The following PCDHA4 variants were observed in gnomAD, a reference collection of about 807,000 sequenced individuals.
PCDHA4 encodes protocadherin alpha 4.
PCDHA4 carries 49 observed loss-of-function variants against 61.4 expected under a neutral mutation model. That is an observed-to-expected ratio of 0.80 (90% confidence interval 0.63 to 1.01). The LOEUF (loss-of-function observed/expected upper bound fraction) is 1.01, where lower values mean the gene tolerates loss of function less well. Ranked by LOEUF, PCDHA4 falls within the 50% of genes least tolerant of loss-of-function variation. PCDHA4 has a pLI of 0.00. For synonymous variants in PCDHA4, 590 were observed against 550.3 expected (o/e 1.07, Z -1.01); for missense variants, 1,254 against 1,235.8 (o/e 1.01, Z -0.22).
chr5:140,854,575 AT>A (rs1416298079), intron 1 of PCDHA4: 1 of 149,968 alleles, frequency 6.7e-6, no homozygotes, highest in Non-Finnish European at 1.5e-5. Context: ...TGTCATTCAG[AT>A]TTTAATAAAA....
chr5:140,824,218 A>T, intron 1 of PCDHA4: 1 of 1,564,370 alleles, frequency 6.4e-7, no homozygotes. Flanking sequence ...TTTAAAAATT[A>T]TGTCTTAGTA....
At chr5:140,956,554 G>C (rs546505112) in intron 1 of PCDHA4, among the ~76,000 whole-genome samples, 1 of 152,318 alleles carries the variant, frequency 6.6e-6, no homozygotes, top group East Asian at 1.9e-4. Flanking sequence ...TGGTTTGCCA[G>C]TATCTTATTG....
intron 1 of PCDHA4, chr5:140,836,166 C>A (rs373780071): frequency 1.9e-6 from 3 of 1,613,826 alleles, no homozygotes; most frequent in South Asian, 1.1e-5. Flanking sequence ...GGCGAAGGTA[C>A]GTGCAGTTGA....
At chr5:141,009,538 C>T (rs1159631714) in intron 3 of PCDHA4, 89 bp from the exon 4 acceptor site, 11 of 1,522,362 alleles carry the variant, frequency 7.2e-6, no homozygotes, top group African/African-American at 1.4e-5. Context: ...GTTCAGCCTG[C>T]CTATGCAGTA....
chr5:140,860,083 G>T (rs781794157), intron 1 of PCDHA4: 12 of 151,782 alleles, frequency 7.9e-5, no homozygotes, highest in Non-Finnish European at 1.5e-4. Context: ...GAGGCCAGGA[G>T]TTCAAGACCA....
At chr5:140,991,356 T>C (rs574243681) in intron 3 of PCDHA4, among the ~76,000 whole-genome samples, 2 of 152,366 alleles carry the variant, frequency 1.3e-5, no homozygotes, top group Non-Finnish European at 2.9e-5. Flanking sequence ...AAAAGACTAT[T>C]TACTGTCTGA....
chr5:140,847,454 A>C (rs1187460467), intron 1 of PCDHA4: 1 of 149,898 alleles, frequency 6.7e-6, no homozygotes, highest in Non-Finnish European at 1.5e-5. Flanking sequence ...ATCTAGATTT[A>C]ATTAATCGAC....
chr5:140,845,064 A>G (rs1225142446), intron 1 of PCDHA4, among the ~76,000 whole-genome samples: 1 of 149,468 alleles, frequency 6.7e-6, no homozygotes, highest in Non-Finnish European at 1.5e-5. Flanking sequence ...GGTAACCTCA[A>G]AGCAGCATTG....
At position 140,829,995 on chromosome 5, in the gene PCDHA4, G is replaced by C. The variant is rs1297305883; in HGVS notation, c.2385+20423G>C. On this transcript the variant is annotated intron_variant, in intron 1 of 3. Transcript: ENST00000530339. ...TACACGGGCGAGATCAGCACCACTCGTGTCCTGGACGAAGCGGACTCTCCG... is the reference window on the plus strand; with the variant it reads ...TACACGGGCGAGATCAGCACCACTCCTGTCCTGGACGAAGCGGACTCTCCG... 2 of 1,613,982 alleles carry C rather than the reference G, an allele frequency of 1.2e-6. No homozygotes were observed. The highest frequency in any genetic ancestry group is 3.3e-5 in the Admixed American group (2 of 60,034).
At chr5:140,877,599 C>A in intron 1 of PCDHA4, 1 of 1,613,882 alleles carries the variant, frequency 6.2e-7, no homozygotes, top group South Asian at 1.1e-5. Flanking sequence ...CGGTGTCCAG[C>A]CTGCTGGTGC....
At chr5:140,870,773 A>C (rs1554164699) in intron 1 of PCDHA4, 1 of 1,613,598 alleles carries the variant, frequency 6.2e-7, no homozygotes, top group Admixed American at 1.7e-5. Context: ...GTGCTGGACG[A>C]GAACGACAAC....
intron 3 of PCDHA4, among the ~76,000 whole-genome samples, chr5:140,982,794 CAT>C (rs1491349118): frequency 4.0e-5 from 6 of 150,946 alleles, no homozygotes; most frequent in Admixed American, 1.3e-4. Context: ...CGCATGTGTG[CAT>C]GTGTGTGTGT....
intron 1 of PCDHA4, among the ~76,000 whole-genome samples, chr5:140,872,045 C>G (rs1286579116): frequency 6.6e-6 from 1 of 152,208 alleles, no homozygotes; most frequent in East Asian, 1.9e-4. Flanking sequence ...AAGAATTCTC[C>G]CACTTCAGCC....
At chr5:140,870,461 C>G in intron 1 of PCDHA4, 2 of 1,614,246 alleles carry the variant, frequency 1.2e-6, no homozygotes, top group Admixed American at 3.3e-5. Context: ...AATGCGCCTG[C>G]GTTCGCACAG....
At chr5:140,858,580 A>C in intron 1 of PCDHA4, 1 of 1,352,736 alleles carries the variant, frequency 7.4e-7, no homozygotes, top group Non-Finnish European at 1.0e-6. Flanking sequence ...CCTTTGTAAT[A>C]TAATTTATTC....
At chr5:140,930,616 G>T (rs2086997332) in intron 1 of PCDHA4, among the ~76,000 whole-genome samples, 2 of 152,154 alleles carry the variant, frequency 1.3e-5, no homozygotes, top group African/African-American at 4.8e-5. Context: ...TGCAAGAGAA[G>T]GAGGTGTGTA....
chr5:140,924,057 T>C (rs1337031156), intron 1 of PCDHA4, among the ~76,000 whole-genome samples: 2 of 152,258 alleles, frequency 1.3e-5, no homozygotes, highest in Non-Finnish European at 2.9e-5. Context: ...GGTACATCTT[T>C]ACAGTTGTAT....
chr5:140,848,591 C>A lies in PCDHA4; in HGVS notation c.2385+39019C>A. 1.9e-6 allele frequency: 3 copies of A among 1,594,690 alleles called. 1 individual carries two copies. Among genetic ancestry groups the A allele is most frequent in the Non-Finnish European group, 2.6e-6 (3 of 1,164,772 alleles). On this transcript the variant is annotated intron_variant, in intron 1 of 3. Coordinates refer to ENST00000530339, the MANE Select transcript of PCDHA4 (RefSeq NM_018907.4). ...GGGTGGTGGGGAGCGGCCAGCTCCACTACTCCGTCCCGGAGGAAGCCGAAC... is the reference window on the plus strand; with the variant it reads ...GGGTGGTGGGGAGCGGCCAGCTCCAATACTCCGTCCCGGAGGAAGCCGAAC...
At chr5:140,907,100 C>T (rs1447787481) in intron 1 of PCDHA4, among the ~76,000 whole-genome samples, 2 of 152,098 alleles carry the variant, frequency 1.3e-5, no homozygotes, top group African/African-American at 4.8e-5. Flanking sequence ...GTGCCACTTC[C>T]ACTTCCACCC....
Sources: gnomAD v4.1 joint callset for allele counts (sites outside exome capture counted in the v4.1 genomes callset) on GRCh38, gnomAD v4.1.1 for gene constraint, MANE v1.5 for transcripts, NCBI Gene and HGNC (gene_info 2026-07-23, HGNC 2026-07-21) for gene names.